The following CACNA2D3 variants were observed in gnomAD, a reference collection of about 807,000 sequenced individuals.
CACNA2D3 encodes the protein voltage-dependent calcium channel subunit alpha-2/delta-3.
CACNA2D3 carries 60 observed loss-of-function variants against 160.6 expected under a neutral mutation model. The observed-to-expected ratio is 0.37, with a 90% confidence interval of 0.30 to 0.46. The LOEUF is 0.46. Among genes scored for constraint, CACNA2D3 ranks in the 20% least tolerant of loss-of-function variants. CACNA2D3 has a pLI of 1.00. For missense variants in CACNA2D3, 1,205 were observed against 1,365.0 expected (o/e 0.88, Z 1.85); for synonymous variants, 558 against 492.9 (o/e 1.13, Z -1.75).
chr3:54,468,496 TGGG>T (rs1700668907), intron 4 of CACNA2D3, among the ~76,000 whole-genome samples: 1 of 152,138 alleles, frequency 6.6e-6, no homozygotes, highest in Non-Finnish European at 1.5e-5. Context: ...AAGCACAAAA[TGGG>T]GCAGCCGTTT....
chr3:54,831,310 G>T (rs1007326204), intron 14 of CACNA2D3, among the ~76,000 whole-genome samples: 3 of 152,210 alleles, frequency 2.0e-5, no homozygotes, highest in African/African-American at 7.2e-5. Context: ...ATGCCTTCCA[G>T]GTCCAGCTTG....
chr3:54,802,542 T>G lies in CACNA2D3; in HGVS notation c.1381-14311T>G, dbSNP rs1703015940. ...TGTTGAATCCCTTTATTTGTACAAATAAAATCTAGTTGTGATCTGCCATGG... is the reference window on the plus strand; with the variant it reads ...TGTTGAATCCCTTTATTTGTACAAAGAAAATCTAGTTGTGATCTGCCATGG... On this transcript the variant is annotated intron_variant, in intron 13 of 37. Coordinates refer to ENST00000474759, the MANE Select transcript of CACNA2D3 (RefSeq NM_018398.3). 1.3e-5 allele frequency among the ~76,000 whole-genome samples: 2 copies of G among 152,140 alleles called. 1 individual carries two copies. Among genetic ancestry groups the G allele is most frequent in the South Asian group, 4.1e-4 (2 of 4,824 alleles).
intron 2 of CACNA2D3, among the ~76,000 whole-genome samples, chr3:54,169,730 CGT>C (rs1355332188): frequency 3.3e-5 from 5 of 150,238 alleles, no homozygotes; most frequent in Admixed American, 6.7e-5. Context: ...TGCAAGTGTG[CGT>C]GTGTGCGAGT....
intron 27 of CACNA2D3, among the ~76,000 whole-genome samples, chr3:54,928,487 T>A (rs1038527597): frequency 3.3e-5 from 5 of 152,126 alleles, no homozygotes; most frequent in African/African-American, 1.2e-4. Context: ...TGAGGACAAA[T>A]TGGCCTGCTG....
intron 3 of CACNA2D3, among the ~76,000 whole-genome samples, chr3:54,324,349 T>C (rs1704076163): frequency 1.3e-5 from 2 of 152,212 alleles, no homozygotes; most frequent in South Asian, 4.1e-4. Flanking sequence ...CCCCGTCAGA[T>C]GTCTGAAGTA....
chr3:54,308,401 A>T (rs1466638995), intron 2 of CACNA2D3, among the ~76,000 whole-genome samples: 1 of 152,160 alleles, frequency 6.6e-6, no homozygotes, highest in African/African-American at 2.4e-5. Flanking sequence ...AAGGAGTTCA[A>T]GAAGCAGGTA....
intron 13 of CACNA2D3, among the ~76,000 whole-genome samples, chr3:54,770,697 A>G (rs984552841): frequency 1.3e-5 from 2 of 152,194 alleles, no homozygotes; most frequent in Admixed American, 6.5e-5. Flanking sequence ...CACGAAGCAT[A>G]TGTCTGTTCC....
At chr3:54,458,216 T>G (rs578225980) in intron 4 of CACNA2D3, among the ~76,000 whole-genome samples, 1 of 152,274 alleles carries the variant, frequency 6.6e-6, no homozygotes, top group South Asian at 2.1e-4. Context: ...GTGATAATGT[T>G]TGATTCTTTT....
intron 35 of CACNA2D3, among the ~76,000 whole-genome samples, chr3:55,060,518 T>C (rs990326185): frequency 1.3e-5 from 2 of 152,218 alleles, no homozygotes; most frequent in African/African-American, 2.4e-5. Context: ...AATGCTTGAG[T>C]GTCTTCATCC....
intron 35 of CACNA2D3, among the ~76,000 whole-genome samples, chr3:55,037,200 A>C (rs887234188): frequency 6.6e-6 from 1 of 152,242 alleles, no homozygotes; most frequent in African/African-American, 2.4e-5. Context: ...AGTTATACCA[A>C]AAGTTTCATT....
chr3:54,651,224 A>G (rs913206120), intron 11 of CACNA2D3, among the ~76,000 whole-genome samples: 2 of 152,112 alleles, frequency 1.3e-5, no homozygotes, highest in African/African-American at 4.8e-5. Context: ...GGGTCTGCAG[A>G]ATGTCAGGAA....
Position 54,827,127 on chromosome 3 carries a change from G to A in CACNA2D3, c.1399-10032G>A, listed in dbSNP as rs528343962. ...ACCCCAAAACAAGAGTCTGAGGGTG[G>A]AGTGGTTACTACACAGGCTCTGGCA... is the stretch of plus-strand genomic sequence containing the variant. On this transcript the variant is annotated intron_variant, in intron 14 of 37. Transcript: ENST00000474759. Among the ~76,000 whole-genome samples the A allele has an allele frequency of 1.4e-4, 21 of 152,310 alleles. No individual in the cohort carries two copies. In the East Asian group the frequency reaches 3.5e-3, roughly 25 times the overall value.
chr3:54,925,352 C>T (rs1197860613), intron 27 of CACNA2D3: 25 of 684,256 alleles, frequency 3.7e-5, no homozygotes, highest in Non-Finnish European at 6.1e-5. Flanking sequence ...GAGGTTCTGT[C>T]ACTCACCGTC....
chr3:54,386,721 G>A lies in CACNA2D3; in HGVS notation c.328G>A (p.Val110Met), dbSNP rs201007417. Reference sequence around the variant, plus strand: ...TTTTTTTTTTTTTTTTTAGCGTCTGGTGGAGGCTGCAGAAGAAGCACACCT... The same window carrying A: ...TTTTTTTTTTTTTTTTTAGCGTCTGATGGAGGCTGCAGAAGAAGCACACCT... ...HKKSEAVRRL[V>M]EAAEEAHLKH... The change falls in exon 4 of 38, where the codon GTG (valine) becomes ATG (methionine). Residue 110 changes from valine to methionine, a missense_variant. By Grantham distance (21) the Val-to-Met change is conservative. Coordinates refer to ENST00000474759, the MANE Select transcript of CACNA2D3 (RefSeq NM_018398.3). 7.4e-5 allele frequency: 115 copies of A among 1,543,700 alleles called. No individual in the cohort carries two copies. The highest frequency in any genetic ancestry group is 3.4e-4 in the Middle Eastern group (2 of 5,940).
chr3:54,143,948 G>A (rs1237491118), intron 2 of CACNA2D3, among the ~76,000 whole-genome samples: 1 of 152,124 alleles, frequency 6.6e-6, no homozygotes, highest in East Asian at 1.9e-4. Context: ...GCAGATTCAG[G>A]CAGTACTGTA....
intron 9 of CACNA2D3, among the ~76,000 whole-genome samples, chr3:54,595,313 G>GGTGTGTGTGTGTGTGTGTGTGT (rs71637562): frequency 3.0e-5 from 4 of 132,200 alleles, no homozygotes. Context: ...CTGTGTGTGT[G>GGTGTGTGTGTGTGTGTGTGTGT]GTGTGTGTGT....
chr3:54,236,320 T>C (rs1701875025), intron 2 of CACNA2D3, among the ~76,000 whole-genome samples: 2 of 152,194 alleles, frequency 1.3e-5, no homozygotes, highest in African/African-American at 2.4e-5. Context: ...TTAATAGTAA[T>C]GTATTAATAT....
intron 2 of CACNA2D3, among the ~76,000 whole-genome samples, chr3:54,132,349 TTGTGTGCGGGTGTA>T (rs1312068047): frequency 2.0e-5 from 3 of 152,192 alleles, no homozygotes; most frequent in African/African-American, 7.2e-5. Flanking sequence ...TAAAGGGTGT[TTGTGTGCGGGTGTA>T]TGTGTTTTAT....
chr3:55,023,833 G>T (rs1299436317), intron 35 of CACNA2D3, among the ~76,000 whole-genome samples: 2 of 151,526 alleles, frequency 1.3e-5, no homozygotes, highest in African/African-American at 4.9e-5. Flanking sequence ...CTTGAAGTTT[G>T]ATTTCTCATG....
Sources: allele counts gnomAD v4.1 joint callset (sites outside exome capture counted in the v4.1 genomes callset), GRCh38; gene constraint gnomAD v4.1.1; transcripts MANE v1.5; gene names NCBI Gene and HGNC (gene_info 2026-07-23, HGNC 2026-07-21).